FRY: variants seen among roughly 807,000 people sequenced by gnomAD.
FRY encodes protein furry homolog.
FRY carries 128 observed loss-of-function variants against 348.4 expected under a neutral mutation model. The observed-to-expected ratio is 0.37, with a 90% CI of 0.32 to 0.43. FRY has a LOEUF of 0.43. Among genes scored for constraint, FRY ranks in the 20% least tolerant of loss-of-function variants. The probability of loss-of-function intolerance (pLI) is 1.00; values close to 1 mark genes in which losing one functional copy is unlikely to be tolerated. For missense variants in FRY, 2,736 were observed against 3,695.2 expected (o/e 0.74, Z 6.73); for synonymous variants, 1,370 against 1,374.7 (o/e 1.00, Z 0.08).
intron 7 of FRY, among the ~76,000 whole-genome samples, chr13:32,127,282 G>T (rs1001406914): frequency 1.3e-5 from 2 of 152,028 alleles, no homozygotes; most frequent in African/African-American, 4.8e-5. Flanking sequence ...TTATATTCAT[G>T]TGAATTTTAT....
chr13:32,049,718 A>G (rs1873222713), intron 1 of FRY, among the ~76,000 whole-genome samples: 2 of 152,190 alleles, frequency 1.3e-5, no homozygotes, highest in African/African-American at 4.8e-5. Context: ...GACAACAAGG[A>G]CTCAAAATAA....
At chr13:32,131,463 C>A (rs1879357048) in intron 7 of FRY, among the ~76,000 whole-genome samples, 1 of 152,198 alleles carries the variant, frequency 6.6e-6, no homozygotes, top group Non-Finnish European at 1.5e-5. Flanking sequence ...AGATGTTGAG[C>A]ATCTTACAGT....
rs76878168 is a variant in FRY at position 32,251,341 on chromosome 13, C to T, written c.7171-537C>T. Among the ~76,000 whole-genome samples, 1,079 of 152,148 alleles carry T rather than the reference C, an allele frequency of 7.1e-3. 15 individuals carry two copies. Among genetic ancestry groups the T allele is most frequent in the African/African-American group, 0.025 (1,028 of 41,490 alleles). On this transcript the variant is annotated intron_variant, in intron 49 of 60. Coordinates refer to ENST00000542859, the MANE Select transcript of FRY (RefSeq NM_023037.3). The stretch of plus-strand genomic sequence containing the variant: ...AAGAAAGATTTAATATGGCTTAAAA[C>T]GAATGAATTTTTTCATTCTACAGAA...
At chr13:32,294,206 C>A (rs564079486) in intron 59 of FRY, among the ~76,000 whole-genome samples, 162 bp from the exon 60 acceptor site, 1 of 152,304 alleles carries the variant, frequency 6.6e-6, no homozygotes, top group African/African-American at 2.4e-5. Context: ...TCCACAATCC[C>A]CTACACATAC....
Position 32,239,629 on chromosome 13 carries a change from C to A in FRY, c.6517-82C>A. 2 of 972,664 alleles carry A rather than the reference C, an allele frequency of 2.1e-6. No homozygotes were observed. The highest frequency in any genetic ancestry group is 3.2e-6 in the Non-Finnish European group (2 of 617,234). 60.3% of individuals were successfully genotyped at this position (972,664 alleles called of 1,614,324 possible). A position where few individuals can be genotyped will look rare whatever the true frequency, so the allele number is the denominator to read the frequency against. ...GTGTATCAATCTACTTTCCAGATGG[C>A]CAGAGCTTATAGTAAAATTGCTAAC... On this transcript the variant is annotated intron_variant, in intron 45 of 60. Coordinates refer to ENST00000542859, the MANE Select transcript of FRY (RefSeq NM_023037.3). The surrounding 1 kb of genome is among the most constrained non-coding windows in gnomAD (Gnocchi z 4.3).
chr13:32,066,687 G>C (rs1042956703), intron 1 of FRY, among the ~76,000 whole-genome samples: 1 of 152,120 alleles, frequency 6.6e-6, no homozygotes, highest in African/African-American at 2.4e-5. Context: ...CTTTTAGTTT[G>C]TGTTGTCCTT....
At chr13:32,256,130 G>A (rs952840941) in intron 51 of FRY, among the ~76,000 whole-genome samples, 4 of 151,984 alleles carry the variant, frequency 2.6e-5, no homozygotes, top group South Asian at 4.1e-4. Flanking sequence ...TGTTTTTCAG[G>A]GACAAGAAAT....
chr13:32,232,338 A>G (rs1393803866), intron 41 of FRY, among the ~76,000 whole-genome samples: 2 of 152,132 alleles, frequency 1.3e-5, no homozygotes, highest in Non-Finnish European at 2.9e-5. Context: ...ACCTTGACCA[A>G]TTTTTACTGA....
intron 22 of FRY, 73 bp downstream of exon 22, chr13:32,179,106 C>A: frequency 2.6e-6 from 3 of 1,137,868 alleles, no homozygotes; most frequent in Non-Finnish European, 2.6e-6. Flanking sequence ...GTTCACAGTG[C>A]AAATTGCACT....
At chr13:32,036,749 GAA>G (rs796779111) in intron 1 of FRY, among the ~76,000 whole-genome samples, 8 of 130,680 alleles carry the variant, frequency 6.1e-5, no homozygotes, top group African/African-American at 2.5e-4. Context: ...CATTTTCGAT[GAA>G]AAAAAAAAAA....
At chr13:32,250,405 C>G (rs1156488296) in intron 49 of FRY, among the ~76,000 whole-genome samples, 1 of 152,208 alleles carries the variant, frequency 6.6e-6, no homozygotes, top group Non-Finnish European at 1.5e-5. Context: ...CTTAGGCTGT[C>G]TCCTCACTGT....
chr13:32,034,272 A>AT (rs1872392923), intron 1 of FRY, among the ~76,000 whole-genome samples: 1 of 152,146 alleles, frequency 6.6e-6, no homozygotes, highest in Non-Finnish European at 1.5e-5. Flanking sequence ...AGCTTTCCAT[A>AT]TTTTTTTAAA....
intron 1 of FRY, among the ~76,000 whole-genome samples, chr13:32,077,573 T>C (rs1875165640): frequency 6.6e-6 from 1 of 152,160 alleles, no homozygotes; most frequent in Non-Finnish European, 1.5e-5. Context: ...GTAGGAAATG[T>C]GAGGGAGAGT....
chr13:32,178,204 G>T lies in FRY; in HGVS notation c.2449G>T (p.Asp817Tyr). 1 of 1,614,236 alleles carries T rather than the reference G, an allele frequency of 6.2e-7. No homozygotes were observed. Among genetic ancestry groups the T allele is most frequent in the Admixed American group, 1.7e-5 (1 of 60,032 alleles). ...AACATTACCACTCACCCACAATGTG[G>T]ATCTGCAGTGGTTGGTGGAATGGAA... The part of the protein sequence containing the change: ...SATLPLTHNV[D>Y]LQWLVEWNAV... Residue 817 changes from aspartate to tyrosine, a missense_variant, in exon 21 of 61, where the codon GAT becomes TAT. Around this residue, in one of 9 missense-constraint regions of FRY, gnomAD observed 449 missense variants for 576.9 expected, o/e 0.78. Transcript: ENST00000542859.
At chr13:32,203,671 C>T (rs1225343855) in intron 31 of FRY, among the ~76,000 whole-genome samples, 1 of 151,718 alleles carries the variant, frequency 6.6e-6, no homozygotes, top group East Asian at 1.9e-4. Context: ...TGCAGTGAGC[C>T]GAGATCATGC....
intron 3 of FRY, among the ~76,000 whole-genome samples, chr13:32,108,907 G>T (rs148356008): frequency 6.6e-6 from 1 of 152,270 alleles, no homozygotes; most frequent in East Asian, 1.9e-4. Flanking sequence ...AGATCAGGCG[G>T]CAGAGGTAGA....
At chr13:32,150,178 G>A (rs960019280) in intron 14 of FRY, among the ~76,000 whole-genome samples, 14 of 152,064 alleles carry the variant, frequency 9.2e-5, no homozygotes, top group South Asian at 2.1e-4. Context: ...ATTTAGCATC[G>A]GGAAGTGATG....
intron 58 of FRY, among the ~76,000 whole-genome samples, chr13:32,287,053 T>A (rs1347465183): frequency 1.3e-5 from 2 of 150,428 alleles, no homozygotes; most frequent in African/African-American, 4.9e-5. Context: ...TAATCCCAGC[T>A]ACTCAGGAGG....
chr13:32,131,880 G>T, intron 8 of FRY, 40 bp downstream of exon 8: 1 of 1,480,720 alleles, frequency 6.8e-7, no homozygotes, highest in South Asian at 1.1e-5. Flanking sequence ...CTCTCAACTT[G>T]AGCACTTCCC....
Sources: gnomAD v4.1 joint callset for allele counts (sites outside exome capture counted in the v4.1 genomes callset) on GRCh38, gnomAD v4.1.1 for gene constraint, gnomAD v4.1.1 regional missense constraint, Gnocchi (gnomAD v3.1) non-coding constraint, MANE v1.5 for transcripts, NCBI Gene and HGNC (gene_info 2026-07-23, HGNC 2026-07-21) for gene names.